The following MAPRE2 variants were observed in gnomAD, a reference collection of about 807,000 sequenced individuals.
MAPRE2 encodes microtubule-associated protein RP/EB family member 2.
In MAPRE2, 13 loss-of-function variants were observed where a neutral mutation model predicts 43.2. The observed-to-expected ratio is 0.30, with a 90% CI of 0.20 to 0.48. The LOEUF (loss-of-function observed/expected upper bound fraction) is 0.48. MAPRE2 is among the 20% of genes least tolerant of loss of function. MAPRE2 has a pLI of 0.99. For synonymous variants in MAPRE2, 135 were observed against 148.8 expected (o/e 0.91, Z 0.68); for missense variants, 161 against 400.2 (o/e 0.40, Z 5.10).
chr18:35,052,153 A>G (rs1332384223), intron 1 of MAPRE2, among the ~76,000 whole-genome samples: 1 of 152,136 alleles, frequency 6.6e-6, no homozygotes, highest in Admixed American at 6.5e-5. Flanking sequence ...CAGTGTGTCC[A>G]CCCTGAAGCC....
At chr18:35,107,556 G>A (rs1284012364) in intron 4 of MAPRE2, among the ~76,000 whole-genome samples, 1 of 152,110 alleles carries the variant, frequency 6.6e-6, no homozygotes, top group Non-Finnish European at 1.5e-5. Flanking sequence ...CTTTTTAAGA[G>A]AAGCAGTAAA....
chr18:34,990,084 G>T (rs545128939), intron 1 of MAPRE2, among the ~76,000 whole-genome samples: 1 of 152,254 alleles, frequency 6.6e-6, no homozygotes, highest in East Asian at 1.9e-4. Context: ...TTTGGGAATT[G>T]TTTCATTTTC....
At chr18:34,992,890 GT>G (rs917585087) in intron 1 of MAPRE2, among the ~76,000 whole-genome samples, 28 of 152,148 alleles carry the variant, frequency 1.8e-4, no homozygotes, top group African/African-American at 6.5e-4. Context: ...TGTGCATGTG[GT>G]TTTTAGTGTT....
At chr18:34,991,686 T>TA (rs1264097046) in intron 1 of MAPRE2, among the ~76,000 whole-genome samples, 1 of 152,164 alleles carries the variant, frequency 6.6e-6, no homozygotes, top group African/African-American at 2.4e-5. Flanking sequence ...TGGAATCTCT[T>TA]ATCTGAGTGT....
At chr18:35,027,638 A>G (rs897723015) in intron 2 of MAPRE2, among the ~76,000 whole-genome samples, 2 of 152,242 alleles carry the variant, frequency 1.3e-5, no homozygotes, top group Non-Finnish European at 2.9e-5. Flanking sequence ...GATTATTGCT[A>G]TTTTAATCCA....
chr18:35,075,249 G>A (rs533003), intron 2 of MAPRE2, among the ~76,000 whole-genome samples: 40,258 of 152,084 alleles, frequency 0.26, 6,642 homozygotes, highest in East Asian at 0.52. Context: ...CAGGTGCTCC[G>A]GGCCCCACCC....
At chr18:35,092,932 C>T (rs906244564) in intron 2 of MAPRE2, among the ~76,000 whole-genome samples, 3 of 152,074 alleles carry the variant, frequency 2.0e-5, no homozygotes, top group Non-Finnish European at 4.4e-5. Context: ...CAAAAAGAGG[C>T]CAGGCGCAGT....
chr18:35,131,054 G>A (rs1451969461), intron 5 of MAPRE2, among the ~76,000 whole-genome samples: 3 of 152,192 alleles, frequency 2.0e-5, no homozygotes, highest in African/African-American at 7.2e-5. Flanking sequence ...TCCCAGTGAC[G>A]TACCCAAAGC....
At chr18:35,092,449 A>G (rs1414734824) in intron 2 of MAPRE2, among the ~76,000 whole-genome samples, 1 of 152,204 alleles carries the variant, frequency 6.6e-6, no homozygotes, top group African/African-American at 2.4e-5. Context: ...CTTACCACAT[A>G]CAAAAATCAA....
intron 2 of MAPRE2, among the ~76,000 whole-genome samples, chr18:35,033,095 T>G: frequency 6.6e-6 from 1 of 152,140 alleles, no homozygotes. Context: ...TTGATGAACA[T>G]TGATGCAAAA....
intron 4 of MAPRE2, among the ~76,000 whole-genome samples, chr18:35,109,243 T>A (rs935109903): frequency 6.6e-6 from 1 of 152,236 alleles, no homozygotes; most frequent in African/African-American, 2.4e-5. Flanking sequence ...TTGCTTGTTT[T>A]TGTCAGGTTT....
intron 3 of MAPRE2, among the ~76,000 whole-genome samples, chr18:35,101,004 A>C (rs1188801735): frequency 6.6e-6 from 1 of 152,188 alleles, no homozygotes. Context: ...GTGCCATTGC[A>C]CTCCATCCTG....
chr18:35,056,769 T>C (rs2150610033), intron 1 of MAPRE2, among the ~76,000 whole-genome samples: 1 of 152,364 alleles, frequency 6.6e-6, no homozygotes, highest in East Asian at 1.9e-4. Flanking sequence ...ATTAACTAAT[T>C]GTTACTGTTC....
chr18:35,057,507 C>CGTGTGTGTGTGTGTGTGTGTGTGTGT (rs58171272), intron 1 of MAPRE2, among the ~76,000 whole-genome samples: 117 of 149,520 alleles, frequency 7.8e-4, no homozygotes, highest in East Asian at 5.6e-3. Context: ...GGAGTGTGTG[C>CGTGTGTGTGTGTGTGTGTGTGTGTGT]GTGTGTGTGT....
rs78675498 is a variant in MAPRE2, at chr18:35,044,895, C to G, written c.122+3234C>G. On this transcript the variant is annotated intron_variant, in intron 1 of 6. Coordinates refer to ENST00000300249, the MANE Select transcript of MAPRE2 (RefSeq NM_014268.4). The stretch of plus-strand genomic sequence containing the variant: ...GGTTCCTGACCCACATCTCTTAACC[C>G]AGGTATCTGATAGTGTAAACAAAGC... Among the ~76,000 whole-genome samples, 859 of 152,280 alleles carry G rather than the reference C, an allele frequency of 5.6e-3. 7 individuals carry two copies. Among genetic ancestry groups the G allele is most frequent in the African/African-American group, 0.019 (808 of 41,548 alleles).
intron 2 of MAPRE2, among the ~76,000 whole-genome samples, chr18:35,018,292 A>C (rs1380438907): frequency 6.6e-6 from 1 of 151,760 alleles, no homozygotes; most frequent in Non-Finnish European, 1.5e-5. Context: ...TGTCTTTGCC[A>C]GGTTTGGGTA....
intron 2 of MAPRE2, among the ~76,000 whole-genome samples, chr18:35,022,957 G>A (rs1267458019): frequency 6.6e-6 from 1 of 151,100 alleles, no homozygotes; most frequent in Non-Finnish European, 1.5e-5. Context: ...GAGGTGAGAA[G>A]TAATTAAAAT....
At chr18:34,978,108 GAGTAATTAATATTACGAAC>G in intron 1 of MAPRE2, 1 of 259,682 alleles carries the variant, frequency 3.9e-6, no homozygotes, top group South Asian at 4.0e-5. Flanking sequence ...GTAGCGCTGG[GAGTAATTAATATTACGAAC>G]ATTAGCCTTT....
intron 2 of MAPRE2, among the ~76,000 whole-genome samples, chr18:35,027,359 A>T (rs1225030222): frequency 1.3e-5 from 2 of 152,138 alleles, no homozygotes; most frequent in African/African-American, 4.8e-5. Context: ...CTGCCTGCTC[A>T]TTAGGGATGC....
Sources: gnomAD v4.1 joint callset for allele counts (sites outside exome capture counted in the v4.1 genomes callset) on GRCh38, gnomAD v4.1.1 for gene constraint, MANE v1.5 for transcripts, NCBI Gene and HGNC (gene_info 2026-07-23, HGNC 2026-07-21) for gene names.